RFTN1: variants seen among roughly 807,000 people sequenced by gnomAD.
The protein encoded by RFTN1 is raftlin, lipid raft linker 1.
Under a neutral mutation model 46.5 loss-of-function variants are expected in RFTN1, and 26 were observed. The observed-to-expected ratio is 0.56, with a 90% CI of 0.41 to 0.78. The LOEUF (loss-of-function observed/expected upper bound fraction) is 0.78. Ranked by LOEUF, RFTN1 falls within the 30% of genes least tolerant of loss-of-function variation. RFTN1 has a pLI of 0.00. For missense variants in RFTN1, 693 were observed against 718.7 expected (o/e 0.96, Z 0.41); for synonymous variants, 261 against 284.2 (o/e 0.92, Z 0.82).
chr3:16,408,969 T>A (rs904864316), intron 4 of RFTN1, among the ~76,000 whole-genome samples: 1 of 152,196 alleles, frequency 6.6e-6, no homozygotes, highest in African/African-American at 2.4e-5. Flanking sequence ...TATGTTCGAA[T>A]GTGGGTGGCC....
chr3:16,344,300 A>C lies in RFTN1; in HGVS notation c.1146+13632T>G, dbSNP rs547174908. ...GAAGTCAGGGAAACCTACTCAAAAA[A>C]GAAAGTGGATTAGATCAGTAATTTT... On this transcript the variant is annotated intron_variant, in intron 7 of 9. Coordinates refer to ENST00000334133, the MANE Select transcript of RFTN1 (RefSeq NM_015150.2). This position sits in a 1 kb window ranked among gnomAD's most constrained non-coding sequence, Gnocchi z 4.4. 6.6e-6 allele frequency among the ~76,000 whole-genome samples: 1 copy of C among 152,118 alleles called. No homozygotes were observed. The highest frequency in any genetic ancestry group is 1.9e-4 in the East Asian group (1 of 5,184).
rs967279234 is a variant in RFTN1, at chr3:16,353,479, T to C, written c.1146+4453A>G. On this transcript the variant is annotated intron_variant, in intron 7 of 9. Coordinates refer to ENST00000334133, the MANE Select transcript of RFTN1 (RefSeq NM_015150.2). The surrounding 1 kb of genome is among the most constrained non-coding windows in gnomAD (Gnocchi z 5.4). ...CTTAGTTCCCCTAAGACAGGGATTC[T>C]CAAGGTGGGGTTCCCACACCAGCAG... 6.6e-6 allele frequency among the ~76,000 whole-genome samples: 1 copy of C among 152,210 alleles called. No homozygotes were observed. Among genetic ancestry groups the C allele is most frequent in the Non-Finnish European group, 1.5e-5 (1 of 68,030 alleles).
Position 16,428,691 on chromosome 3 carries a change from G to A in RFTN1, c.332+5160C>T, listed in dbSNP as rs952209034. Among the ~76,000 whole-genome samples the A allele has an allele frequency of 2.6e-5, 4 of 152,070 alleles. No individual in the cohort carries two copies. The highest frequency in any genetic ancestry group is 4.4e-5 in the Non-Finnish European group (3 of 68,012). ...TCATGATGAAAAACACACCAATGAC[G>A]CCCCTAGCTCCATGTGTGTACAACG... On this transcript the variant is annotated intron_variant, in intron 3 of 9. Transcript: ENST00000334133. The surrounding 1 kb of genome is among the most constrained non-coding windows in gnomAD (Gnocchi z 4.7).
chr3:16,475,025 C>T lies in RFTN1; in HGVS notation c.145+18700G>A, dbSNP rs567737495. Among the ~76,000 whole-genome samples, 9 of 152,302 alleles carry T rather than the reference C, an allele frequency of 5.9e-5. No individual in the cohort carries two copies. The South Asian group carries it at 1.0e-3, about 18-fold the overall frequency. On this transcript the variant is annotated intron_variant, in intron 2 of 9. Coordinates refer to ENST00000334133, the MANE Select transcript of RFTN1 (RefSeq NM_015150.2). The surrounding 1 kb of genome is among the most constrained non-coding windows in gnomAD (Gnocchi z 4.2). The stretch of plus-strand genomic sequence containing the variant: ...TTGGGTCATAGGGGCGGATCCCTCA[C>T]GAAAGGCTTGCTGTCCTCCTTCGAG...
Position 16,466,104 on chromosome 3 carries a change from G to A in RFTN1, c.145+27621C>T, listed in dbSNP as rs563568660. On this transcript the variant is annotated intron_variant, in intron 2 of 9. Coordinates refer to ENST00000334133, the MANE Select transcript of RFTN1 (RefSeq NM_015150.2). This position sits in a 1 kb window ranked among gnomAD's most constrained non-coding sequence, Gnocchi z 5.6. ...CTGTGGCTCCCCAGTGCTCAATTTT[G>A]GGGTCCAAGCGCTTGAATGCAGGAT... Among the ~76,000 whole-genome samples the A allele has an allele frequency of 9.9e-5, 15 of 152,262 alleles. No individual in the cohort carries two copies. The highest frequency in any genetic ancestry group is 3.9e-4 in the Admixed American group (6 of 15,300).
At chr3:16,389,028 A>AG (rs2074282209) in intron 4 of RFTN1, among the ~76,000 whole-genome samples, 4 of 151,804 alleles carry the variant, frequency 2.6e-5, no homozygotes, top group Non-Finnish European at 2.9e-5. Flanking sequence ...ATAAGTTTAA[A>AG]GAATTTAACC....
Position 16,409,366 on chromosome 3 carries a change from A to C in RFTN1, c.441+9T>G. 6.3e-7 allele frequency: 1 copy of C among 1,578,060 alleles called. No homozygotes were observed. The highest frequency in any genetic ancestry group is 8.7e-7 in the Non-Finnish European group (1 of 1,147,414). ...ACCTCTTCAATGGTACCCTGACTGT[A>C]GCGCTCACCTTCTTAATGAACTCTG... On this transcript the variant is annotated intron_variant, in intron 4 of 9. Transcript: ENST00000334133.
rs533223621 is a variant in RFTN1 at position 16,353,760 on chromosome 3, G to A, written c.1146+4172C>T. 1.1e-4 allele frequency among the ~76,000 whole-genome samples: 17 copies of A among 152,098 alleles called. No individual in the cohort carries two copies. The highest frequency in any genetic ancestry group is 1.9e-4 in the African/African-American group (8 of 41,402). On this transcript the variant is annotated intron_variant, in intron 7 of 9. Coordinates refer to ENST00000334133, the MANE Select transcript of RFTN1 (RefSeq NM_015150.2). This position sits in a 1 kb window ranked among gnomAD's most constrained non-coding sequence, Gnocchi z 5.4. Reference sequence around the variant, plus strand: ...CAGAGTAGCCCCCTCCCACCTGTGCGTGCTCAGAGGCAAGGGCATATGAGG... The same window carrying A: ...CAGAGTAGCCCCCTCCCACCTGTGCATGCTCAGAGGCAAGGGCATATGAGG...
chr3:16,471,092 A>C (rs2124948334), intron 2 of RFTN1, among the ~76,000 whole-genome samples: 1 of 152,370 alleles, frequency 6.6e-6, no homozygotes, highest in South Asian at 2.1e-4. Context: ...AAACCACAGA[A>C]TAAAGCAAAC....
At chr3:16,467,860 A>C (rs2076127968) in intron 2 of RFTN1, among the ~76,000 whole-genome samples, 1 of 152,136 alleles carries the variant, frequency 6.6e-6, no homozygotes, top group African/African-American at 2.4e-5. Context: ...ACCCCAGAGG[A>C]AGGAAGTCTA....
Position 16,481,152 on chromosome 3 carries a change from C to T in RFTN1, c.145+12573G>A, listed in dbSNP as rs538105773. 1.8e-3 allele frequency among the ~76,000 whole-genome samples: 269 copies of T among 152,172 alleles called. 2 individuals carry two copies. Among genetic ancestry groups the T allele is most frequent in the African/African-American group, 6.0e-3 (249 of 41,512 alleles). On this transcript the variant is annotated intron_variant, in intron 2 of 9. Transcript: ENST00000334133. This position sits in a 1 kb window ranked among gnomAD's most constrained non-coding sequence, Gnocchi z 5.1. ...GGAATGCAAAGGAATGTAAAGAATGCCTTCCTTCCTTTTAAATCTAATCTT... is the reference window on the plus strand; with the variant it reads ...GGAATGCAAAGGAATGTAAAGAATGTCTTCCTTCCTTTTAAATCTAATCTT...
intron 2 of RFTN1, among the ~76,000 whole-genome samples, chr3:16,469,339 A>G (rs991061641): frequency 6.6e-5 from 10 of 152,240 alleles, no homozygotes; most frequent in African/African-American, 2.4e-4. Flanking sequence ...TTGTTATTAC[A>G]TACTTCCCAA....
At chr3:16,371,570 C>G (rs866532817) in intron 5 of RFTN1, among the ~76,000 whole-genome samples, 1 of 152,222 alleles carries the variant, frequency 6.6e-6, no homozygotes, top group Non-Finnish European at 1.5e-5. Context: ...CTCACAGCCC[C>G]GCCTGAGCGA....
chr3:16,469,641 A>C (rs2076160124), intron 2 of RFTN1, among the ~76,000 whole-genome samples: 1 of 152,220 alleles, frequency 6.6e-6, no homozygotes, highest in Admixed American at 6.5e-5. Context: ...GGGGGAAGAG[A>C]GAGGACCAGG....
intron 2 of RFTN1, among the ~76,000 whole-genome samples, chr3:16,471,009 T>C (rs1388822714): frequency 6.6e-6 from 1 of 152,184 alleles, no homozygotes; most frequent in Non-Finnish European, 1.5e-5. Context: ...AAAAGTGCTT[T>C]GGAAAGTTTC....
chr3:16,441,344 AG>A (rs1482850804), intron 2 of RFTN1, among the ~76,000 whole-genome samples: 10 of 151,254 alleles, frequency 6.6e-5, no homozygotes, highest in Non-Finnish European at 7.4e-5. Context: ...ATGAAAACAG[AG>A]AAAAAACATA....
chr3:16,371,277 C>T (rs941208793), intron 5 of RFTN1, among the ~76,000 whole-genome samples: 1 of 152,204 alleles, frequency 6.6e-6, no homozygotes, highest in African/African-American at 2.4e-5. Context: ...CATTCATGCT[C>T]CCTGCATGAA....
At position 16,338,862 on chromosome 3, in the gene RFTN1, G is replaced by A. The variant is rs1282082575; in HGVS notation, c.1147-11986C>T. On this transcript the variant is annotated intron_variant, in intron 7 of 9. Transcript: ENST00000334133. The surrounding 1 kb of genome is among the most constrained non-coding windows in gnomAD (Gnocchi z 5.3). ...TTGGAGTTGGGGACCTGGGGAGAGA[G>A]CCAGTCTGTCTGCAGGAATTCTAGA... is the stretch of plus-strand genomic sequence containing the variant. Among the ~76,000 whole-genome samples, 4 of 152,190 alleles carry A rather than the reference G, an allele frequency of 2.6e-5. No homozygotes were observed. Among genetic ancestry groups the A allele is most frequent in the Admixed American group, 2.0e-4 (3 of 15,290 alleles).
At position 16,489,311 on chromosome 3, in the gene RFTN1, G is replaced by A. The variant is rs139666784; in HGVS notation, c.145+4414C>T. Among the ~76,000 whole-genome samples the A allele has an allele frequency of 2.6e-3, 401 of 152,120 alleles. 5 individuals are homozygous for A. The highest frequency in any genetic ancestry group is 3.6e-3 in the Non-Finnish European group (246 of 67,996). On this transcript the variant is annotated intron_variant, in intron 2 of 9. Transcript: ENST00000334133. The surrounding 1 kb of genome is among the most constrained non-coding windows in gnomAD (Gnocchi z 4.0). ...CGGGCACCTGTAATCCCAACTACTCGGCAGGCTGAGGCACAAGAATTATTT... is the reference window on the plus strand; with the variant it reads ...CGGGCACCTGTAATCCCAACTACTCAGCAGGCTGAGGCACAAGAATTATTT...
Sources: gnomAD v4.1 joint callset for allele counts (sites outside exome capture counted in the v4.1 genomes callset) on GRCh38, gnomAD v4.1.1 for gene constraint, Gnocchi (gnomAD v3.1) non-coding constraint, MANE v1.5 for transcripts, NCBI Gene and HGNC (gene_info 2026-07-23, HGNC 2026-07-21) for gene names.